SYNJ2: variants seen among roughly 807,000 people sequenced by gnomAD.
SYNJ2 encodes synaptojanin 2, also known as polyphosphatidylinositol phosphatase SYNJ2.
Under a neutral mutation model 141.3 loss-of-function variants are expected in SYNJ2, and 116 were observed. That is an observed-to-expected ratio of 0.82 (90% CI 0.71 to 0.96). The LOEUF is 0.96. Ranked by LOEUF, SYNJ2 falls within the 40% of genes least tolerant of loss-of-function variation. SYNJ2 has a pLI of 0.00. For synonymous variants in SYNJ2, 745 were observed against 777.7 expected, an observed-to-expected ratio of 0.96 and a Z score of 0.70; for missense variants, 1,873 against 1,934.8, an observed-to-expected ratio of 0.97 and a Z score of 0.60.
At position 157,982,120 on chromosome 6, in the gene SYNJ2, A is replaced by G; in HGVS notation, c.127+32A>G. 7.8e-7 allele frequency: 1 copy of G among 1,288,694 alleles called. No homozygotes were observed. Among genetic ancestry groups the G allele is most frequent in the Non-Finnish European group, 9.8e-7 (1 of 1,017,300 alleles). The allele number at this position is 1,288,694 out of a possible 1,614,324, so 79.8% of individuals were successfully genotyped here. On this transcript the variant is annotated intron_variant, in intron 1 of 26. Coordinates refer to ENST00000355585, the MANE Select transcript of SYNJ2 (RefSeq NM_003898.4). The surrounding 1 kb of genome is among the most constrained non-coding windows in gnomAD (Gnocchi z 4.0). ...CCGGGCCGGGGGCAGCGACGCCCGG[A>G]GGAGAGGGCGCCCGCATTCGCCCAG... is the stretch of plus-strand genomic sequence containing the variant.
rs1031614211 is a variant in SYNJ2 at position 158,070,456 on chromosome 6, C to T, written c.1940+783C>T. 2.0e-6 allele frequency: 2 copies of T among 985,516 alleles called. No homozygotes were observed. The highest frequency in any genetic ancestry group is 2.4e-6 in the Non-Finnish European group (2 of 830,020). 61.0% of individuals were successfully genotyped at this position (985,516 alleles called of 1,614,324 possible). On this transcript the variant is annotated intron_variant, in intron 14 of 26. Coordinates refer to ENST00000355585, the MANE Select transcript of SYNJ2 (RefSeq NM_003898.4). This position sits in a 1 kb window ranked among gnomAD's most constrained non-coding sequence, Gnocchi z 4.0. ...AGAAGATGTTTAGGTCCCTGTCCCT[C>T]TGCTTGTGTTATTTGGGCAGCTTGG... is the stretch of plus-strand genomic sequence containing the variant.
rs1388678818 is a variant in SYNJ2, at chr6:158,084,089, C to T, written c.3123C>T (p.Leu1041=). ...ACAGTGAACTCGGGGGAGACGACCTCTCTGATGTCCCCGGCCCCACAGCAC... is the reference window on the plus strand; with the variant it reads ...ACAGTGAACTCGGGGGAGACGACCTTTCTGATGTCCCCGGCCCCACAGCAC... ...VSDSELGGDD[L]SDVPGPTALA... is the part of the protein sequence containing the mutation. The change falls in exon 22 of 27, where the codon CTC becomes CTT. Residue 1041 remains leucine (L), a synonymous_variant. Transcript: ENST00000355585. This position sits in a 1 kb window ranked among gnomAD's most constrained non-coding sequence, Gnocchi z 5.0. 6.2e-7 allele frequency: 1 copy of T among 1,614,206 alleles called. No individual in the cohort carries two copies. Among genetic ancestry groups the T allele is most frequent in the Admixed American group, 1.7e-5 (1 of 60,024 alleles).
intron 4 of SYNJ2, among the ~76,000 whole-genome samples, chr6:158,034,229 C>T (rs1779521894): frequency 6.6e-6 from 1 of 152,212 alleles, no homozygotes; most frequent in African/African-American, 2.4e-5. Flanking sequence ...TTTCTAAATT[C>T]TGTTCTCATT....
chr6:158,098,445 A>G lies in SYNJ2; in HGVS notation c.*2081A>G, dbSNP rs983269100. The G allele has an allele frequency of 6.6e-6, 1 of 152,140 alleles. No homozygotes were observed. The highest frequency in any genetic ancestry group is 1.5e-5 in the Non-Finnish European group (1 of 68,026). The allele number at this position is 152,140 out of a possible 1,614,324, so 9.4% of individuals were successfully genotyped here. A position where few individuals can be genotyped will look rare whatever the true frequency, so the allele number is the denominator to read the frequency against. On this transcript the variant is annotated 3_prime_UTR_variant, in exon 27 of 27. Transcript: ENST00000355585. ...AAGTTACGAGGAGTTTAAGAGTTAA[A>G]TATTATTTGATCGTGGCTGTCAAAT...
At chr6:158,005,149 C>T (rs1490763650) in intron 1 of SYNJ2, among the ~76,000 whole-genome samples, 1 of 150,496 alleles carries the variant, frequency 6.6e-6, no homozygotes, top group Non-Finnish European at 1.5e-5. Context: ...GCGATCTCGG[C>T]TCACTGCAAG....
intron 3 of SYNJ2, among the ~76,000 whole-genome samples, chr6:158,032,606 C>T (rs1466510669): frequency 6.6e-6 from 1 of 152,196 alleles, no homozygotes; most frequent in Admixed American, 6.5e-5. Flanking sequence ...AGCGCGGGCT[C>T]CAAGCTCCAT....
intron 17 of SYNJ2, among the ~76,000 whole-genome samples, chr6:158,077,452 T>C (rs1313985824): frequency 6.6e-6 from 1 of 151,558 alleles, no homozygotes; most frequent in Non-Finnish European, 1.5e-5. Context: ...CTCCCCCTCA[T>C]GTTCTTTATC....
In SYNJ2 at chr6:158,097,604, T is replaced by C. The variant is rs1304943958; in HGVS notation, c.*1240T>C. ...CGTACAGAGGCTCGCACAGCAGTGA[T>C]CAAGTGTCATCCCTTACGTGACTGG... On this transcript the variant is annotated 3_prime_UTR_variant, in exon 27 of 27. Coordinates refer to ENST00000355585, the MANE Select transcript of SYNJ2 (RefSeq NM_003898.4). 3.3e-5 allele frequency: 5 copies of C among 152,286 alleles called. No individual in the cohort carries two copies. Among genetic ancestry groups the C allele is most frequent in the East Asian group, 1.9e-4 (1 of 5,182 alleles). The allele number at this position is 152,286 out of a possible 1,614,324, so 9.4% of individuals were successfully genotyped here.
At chr6:158,000,512 G>C (rs1485825810) in intron 1 of SYNJ2, among the ~76,000 whole-genome samples, 3 of 152,076 alleles carry the variant, frequency 2.0e-5, no homozygotes, top group Non-Finnish European at 4.4e-5. Flanking sequence ...GGTCCCAGTG[G>C]GTCCCTAACC....
At chr6:158,019,885 A>G (rs1394134947) in intron 2 of SYNJ2, among the ~76,000 whole-genome samples, 1 of 152,204 alleles carries the variant, frequency 6.6e-6, no homozygotes, top group Non-Finnish European at 1.5e-5. Flanking sequence ...TTCAGTCCCC[A>G]TTGGTTATCT....
chr6:158,093,250 A>G (rs2128401822), intron 26 of SYNJ2, 146 bp downstream of exon 26: 2 of 866,878 alleles, frequency 2.3e-6, no homozygotes, highest in Non-Finnish European at 3.5e-6. Flanking sequence ...CCTGACCAAC[A>G]TGGTGTGAAA....
chr6:158,003,623 G>A (rs575895151), intron 1 of SYNJ2, among the ~76,000 whole-genome samples: 2 of 152,190 alleles, frequency 1.3e-5, no homozygotes, highest in African/African-American at 4.8e-5. Context: ...TGACCTGTGG[G>A]CCGGGCTTCG....
chr6:158,081,514 C>T lies in SYNJ2; in HGVS notation c.2865+4C>T, dbSNP rs374920007. 102 of 1,601,890 alleles carry T rather than the reference C, an allele frequency of 6.4e-5. No homozygotes were observed. The highest frequency in any genetic ancestry group is 2.8e-4 in the South Asian group (25 of 90,766). ...CCTGGACGTGGACGGTATGAAGGTA[C>T]GCTGTACTTGGCCACACTGTGGAGT... On this transcript the variant is annotated splice_donor_region_variant and intron_variant, in intron 20 of 26. Coordinates refer to ENST00000355585, the MANE Select transcript of SYNJ2 (RefSeq NM_003898.4).
intron 23 of SYNJ2, 36 bp downstream of exon 23, chr6:158,087,025 T>C: frequency 6.5e-7 from 1 of 1,539,560 alleles, no homozygotes; most frequent in Non-Finnish European, 8.8e-7. Context: ...CCTGGATGCC[T>C]GCCAGGAATA....
rs746897372 is a variant in SYNJ2, at chr6:158,029,014, A to G, written c.473A>G (p.Asn158Ser). ...KQGDDSSEWG[N>S]SFFWNQLLHV... ...GGGGATGACAGCTCTGAATGGGGGAACTCCTTCTTCTGGTGAGGCCCTGGG... is the reference window on the plus strand; with the variant it reads ...GGGGATGACAGCTCTGAATGGGGGAGCTCCTTCTTCTGGTGAGGCCCTGGG... Residue 158 changes from asparagine to serine, a missense_variant, in exon 3 of 27, where the codon AAC becomes AGC. Coordinates refer to ENST00000355585, the MANE Select transcript of SYNJ2 (RefSeq NM_003898.4). 1.4e-6 allele frequency: 2 copies of G among 1,431,336 alleles called. No individual in the cohort carries two copies. The highest frequency in any genetic ancestry group is 2.0e-5 in the Admixed American group (1 of 50,070). The allele number at this position is 1,431,336 out of a possible 1,614,324, so 88.7% of individuals were successfully genotyped here.
intron 7 of SYNJ2, among the ~76,000 whole-genome samples, chr6:158,061,291 G>A (rs939832969): frequency 8.5e-5 from 13 of 152,204 alleles, no homozygotes; most frequent in African/African-American, 2.7e-4. Flanking sequence ...CTGGGTAGGC[G>A]GACAGTTTGT....
Position 158,070,302 on chromosome 6 carries a change from T to C in SYNJ2, c.1940+629T>C. 3 of 985,518 alleles carry C rather than the reference T, an allele frequency of 3.0e-6. No homozygotes were observed. The highest frequency in any genetic ancestry group is 3.6e-6 in the Non-Finnish European group (3 of 830,066). The allele number at this position is 985,518 out of a possible 1,614,324, so 61.0% of individuals were successfully genotyped here. On this transcript the variant is annotated intron_variant, in intron 14 of 26. Transcript: ENST00000355585. The surrounding 1 kb of genome is among the most constrained non-coding windows in gnomAD (Gnocchi z 4.0). ...CTTTCGGCGAGCTGGCAGCAGGCGT[T>C]GAACTGACCTCCCCACTGAGCCCCT...
At chr6:158,011,084 A>AT (rs1778250977) in intron 1 of SYNJ2, among the ~76,000 whole-genome samples, 2 of 151,890 alleles carry the variant, frequency 1.3e-5, no homozygotes, top group Admixed American at 1.3e-4. Context: ...TGAGGAGAGG[A>AT]TGGCCACATG....
At chr6:158,031,480 C>T (rs1001805266) in intron 3 of SYNJ2, among the ~76,000 whole-genome samples, 4 of 152,204 alleles carry the variant, frequency 2.6e-5, no homozygotes, top group African/African-American at 4.8e-5. Flanking sequence ...CTCTGGAGGT[C>T]GCCAGGCTCC....
Sources: allele counts gnomAD v4.1 joint callset (sites outside exome capture counted in the v4.1 genomes callset), GRCh38; gene constraint gnomAD v4.1.1; non-coding constraint Gnocchi (gnomAD v3.1); transcripts MANE v1.5; gene names NCBI Gene and HGNC (gene_info 2026-07-23, HGNC 2026-07-21).